Variants in PDGFD observed in about 807,000 individuals in gnomAD.
PDGFD encodes the protein platelet-derived growth factor D.
Under a neutral mutation model 44.7 loss-of-function variants are expected in PDGFD, and 30 were observed. That is an observed-to-expected ratio of 0.67 (90% CI 0.50 to 0.91). The LOEUF is 0.91. Ranked by LOEUF, PDGFD falls within the 40% of genes least tolerant of loss-of-function variation. The pLI, the probability that PDGFD is intolerant of heterozygous loss-of-function variation, is 0.00. For missense variants in PDGFD, 445 were observed against 457.8 expected (o/e 0.97, Z 0.25); for synonymous variants, 173 against 168.4 (o/e 1.03, Z -0.21).
intron 3 of PDGFD, among the ~76,000 whole-genome samples, chr11:103,955,025 G>A (rs1010735892): frequency 1.3e-5 from 2 of 149,610 alleles, no homozygotes; most frequent in African/African-American, 2.4e-5. Flanking sequence ...TTAGCCGGGC[G>A]TAGTGGCGGG....
chr11:104,045,678 A>C (rs868093331), intron 1 of PDGFD, among the ~76,000 whole-genome samples: 1 of 119,538 alleles, frequency 8.4e-6, no homozygotes, highest in African/African-American at 2.9e-5. Context: ...TGAGTTTTTT[A>C]AGAGAATATT....
chr11:103,925,667 G>A (rs1858297038), intron 6 of PDGFD, among the ~76,000 whole-genome samples: 2 of 123,858 alleles, frequency 1.6e-5, no homozygotes, highest in South Asian at 5.5e-4. Context: ...CTCTCTATGT[G>A]TGTGTGTCTG....
At chr11:104,142,942 T>C (rs1296974307) in intron 1 of PDGFD, among the ~76,000 whole-genome samples, 2 of 152,156 alleles carry the variant, frequency 1.3e-5, no homozygotes, top group Non-Finnish European at 2.9e-5. Context: ...CAGGGAATGC[T>C]CCAGGGAACA....
chr11:103,917,021 G>A (rs941498114), intron 6 of PDGFD, among the ~76,000 whole-genome samples: 6 of 151,812 alleles, frequency 4.0e-5, no homozygotes, highest in African/African-American at 7.3e-5. Flanking sequence ...AGCCACCATG[G>A]CACATGTATA....
intron 1 of PDGFD, among the ~76,000 whole-genome samples, chr11:104,105,827 T>C (rs541075337): frequency 6.6e-6 from 1 of 151,842 alleles, no homozygotes; most frequent in East Asian, 1.9e-4. Context: ...AAACTTTTTT[T>C]GAAAGTTTTG....
chr11:104,061,108 A>G (rs1860709004), intron 1 of PDGFD, among the ~76,000 whole-genome samples: 1 of 152,200 alleles, frequency 6.6e-6, no homozygotes, highest in Non-Finnish European at 1.5e-5. Flanking sequence ...CAAGGTTTAT[A>G]CATGTTGAAG....
chr11:104,163,257 AG>A (rs974018646), intron 1 of PDGFD, among the ~76,000 whole-genome samples: 59 of 152,318 alleles, frequency 3.9e-4, no homozygotes, highest in African/African-American at 1.4e-3. Context: ...AAAGGGCAAT[AG>A]GCTGCACACT....
At chr11:103,940,201 T>C (rs1289477406) in intron 5 of PDGFD, among the ~76,000 whole-genome samples, 1 of 152,106 alleles carries the variant, frequency 6.6e-6, no homozygotes, top group Non-Finnish European at 1.5e-5. Flanking sequence ...CATTTAATTG[T>C]AAAATATGAA....
chr11:104,134,939 T>G (rs1275304046), intron 1 of PDGFD, among the ~76,000 whole-genome samples: 1 of 152,168 alleles, frequency 6.6e-6, no homozygotes, highest in African/African-American at 2.4e-5. Flanking sequence ...CAGCTACTTA[T>G]CACAGGAAAT....
At chr11:103,999,677 T>C (rs1859589404) in intron 2 of PDGFD, among the ~76,000 whole-genome samples, 1 of 152,132 alleles carries the variant, frequency 6.6e-6, no homozygotes, top group Non-Finnish European at 1.5e-5. Context: ...GGGTTTATGC[T>C]CCCTAAGCCC....
At chr11:103,954,891 G>A (rs1239096619) in intron 3 of PDGFD, among the ~76,000 whole-genome samples, 2 of 152,060 alleles carry the variant, frequency 1.3e-5, no homozygotes, top group Non-Finnish European at 2.9e-5. Context: ...GAGGCCGGGC[G>A]CGGTGGCTCA....
chr11:103,907,932 A>T lies in PDGFD; in HGVS notation c.*1762T>A, dbSNP rs1253254090. 1 of 152,220 alleles carries T rather than the reference A, an allele frequency of 6.6e-6. No homozygotes were observed. Among genetic ancestry groups the T allele is most frequent in the Non-Finnish European group, 1.5e-5 (1 of 68,032 alleles). 9.4% of individuals were successfully genotyped at this position (152,220 alleles called of 1,614,324 possible). ...CATCAGACACTTTTAGGAAAGTTTTAGAAGGTACATCTTCAATAAGCAGAG... is the reference window on the plus strand; with the variant it reads ...CATCAGACACTTTTAGGAAAGTTTTTGAAGGTACATCTTCAATAAGCAGAG... On this transcript the variant is annotated 3_prime_UTR_variant, in exon 7 of 7. Coordinates refer to ENST00000393158, the MANE Select transcript of PDGFD (RefSeq NM_025208.5).
chr11:104,075,054 C>T (rs1326390972), intron 1 of PDGFD, among the ~76,000 whole-genome samples: 1 of 152,122 alleles, frequency 6.6e-6, no homozygotes, highest in Non-Finnish European at 1.5e-5. Flanking sequence ...CAATATGCAA[C>T]ATATACTGAC....
In PDGFD at chr11:104,158,883, G is replaced by A. The variant is rs1027547108; in HGVS notation, c.124+4921C>T. Among the ~76,000 whole-genome samples the A allele has an allele frequency of 7.1e-5, 10 of 141,730 alleles. 1 individual carries two copies. The highest frequency in any genetic ancestry group is 1.8e-4 in the African/African-American group (7 of 37,912). 93.0% of individuals were successfully genotyped at this position (141,730 alleles called of 152,430 possible). ...GATAAAGAACTATTTGGCAGGGCGC[G>A]GTGGCTCAAGCCTGTAATCCCAGCA... On this transcript the variant is annotated intron_variant, in intron 1 of 6. Transcript: ENST00000393158.
At chr11:104,152,422 A>T (rs1485849266) in intron 1 of PDGFD, among the ~76,000 whole-genome samples, 1 of 152,154 alleles carries the variant, frequency 6.6e-6, no homozygotes, top group Non-Finnish European at 1.5e-5. Context: ...TAGTGTAAAC[A>T]TATTTCTCTA....
intron 1 of PDGFD, among the ~76,000 whole-genome samples, chr11:104,129,195 TC>T (rs1861881322): frequency 2.0e-5 from 3 of 151,696 alleles, no homozygotes; most frequent in Non-Finnish European, 4.4e-5. Context: ...GGAACTAACA[TC>T]CCACTCTGTC....
Position 103,914,848 on chromosome 11 carries a change from A to G in PDGFD, c.988-5029T>C, listed in dbSNP as rs564632128. On this transcript the variant is annotated intron_variant, in intron 6 of 6. Transcript: ENST00000393158. ...ATAAACAGAACCAATGACAAAAACC[A>G]CATGATTATCTCAATAGATGCAGAA... Among the ~76,000 whole-genome samples the G allele has an allele frequency of 3.7e-3, 562 of 152,356 alleles. 4 individuals are homozygous for G. Among genetic ancestry groups the G allele is most frequent in the Non-Finnish European group, 6.4e-3 (435 of 68,036 alleles).
chr11:104,129,555 G>A (rs1861887235), intron 1 of PDGFD, among the ~76,000 whole-genome samples: 2 of 152,152 alleles, frequency 1.3e-5, no homozygotes, highest in African/African-American at 4.8e-5. Context: ...GTTGCAGGGA[G>A]CATTGTGCAC....
intron 1 of PDGFD, among the ~76,000 whole-genome samples, chr11:104,061,774 A>AT (rs1336186720): frequency 6.6e-6 from 1 of 151,888 alleles, no homozygotes; most frequent in African/African-American, 2.4e-5. Flanking sequence ...TGCCTGACTA[A>AT]TTTTTTTATT....
Sources: gnomAD v4.1 joint callset for allele counts (sites outside exome capture counted in the v4.1 genomes callset) on GRCh38, gnomAD v4.1.1 for gene constraint, MANE v1.5 for transcripts, NCBI Gene and HGNC (gene_info 2026-07-23, HGNC 2026-07-21) for gene names.